The following LAMA4 variants were observed in gnomAD, a reference collection of about 807,000 sequenced individuals.
The protein encoded by LAMA4 is laminin subunit alpha 4.
LAMA4 carries 127 observed loss-of-function variants against 207.1 expected under a neutral mutation model. That is an observed-to-expected ratio of 0.61 (90% CI 0.53 to 0.71). LAMA4 has a LOEUF of 0.71. LAMA4 is among the 30% of genes least tolerant of loss of function. The probability of loss-of-function intolerance (pLI) is 0.00; values close to 1 mark genes in which losing one functional copy is unlikely to be tolerated. For synonymous variants in LAMA4, 761 were observed against 816.0 expected, an observed-to-expected ratio of 0.93 and a Z score of 1.15; for missense variants, 2,093 against 2,246.5, an observed-to-expected ratio of 0.93 and a Z score of 1.38.
At chr6:112,246,036 C>T (rs543174881) in intron 2 of LAMA4, among the ~76,000 whole-genome samples, 1 of 152,256 alleles carries the variant, frequency 6.6e-6, no homozygotes, top group African/African-American at 2.4e-5. Context: ...CTGCTGGCAG[C>T]TGAATTTCAT....
chr6:112,122,141 TCCG>T lies in LAMA4; in HGVS notation c.4345_4347del (p.Arg1449del). ...TGGCAATGAGAGTTTCTTGGAGTAT[TCCG>T]CTCTGGGAGTTTCAGAGCAACAGGA... On this transcript the variant is annotated inframe_deletion, in exon 32 of 39. Coordinates refer to ENST00000230538, the MANE Select transcript of LAMA4 (RefSeq NM_001105206.3). 1 of 1,613,950 alleles carries T rather than the reference TCCG, an allele frequency of 6.2e-7. No homozygotes were observed. Among genetic ancestry groups the T allele is most frequent in the Non-Finnish European group, 8.5e-7 (1 of 1,179,858 alleles).
rs150662822 is a variant in LAMA4, at chr6:112,254,066, C to T, written c.85G>A (p.Asp29Asn). 5.8e-5 allele frequency: 93 copies of T among 1,609,348 alleles called. No individual in the cohort carries two copies. The African/African-American group carries it at 9.9e-4, about 17-fold the overall frequency. The change falls in exon 2 of 39, where the codon GAC becomes AAC. Residue 29 changes from aspartate to asparagine, a missense_variant. Physicochemically the swap from Asp to Asn is conservative, Grantham distance 23. Transcript: ENST00000230538. ...AACSRAASGD[D>N]NAFPFDIEGS... Reference sequence around the variant, plus strand: ...TCAATGTCAAAAGGAAAAGCGTTGTCGTCCCCGGACGCGGCGCGGGAGCAG... The same window carrying T: ...TCAATGTCAAAAGGAAAAGCGTTGTTGTCCCCGGACGCGGCGCGGGAGCAG...
In LAMA4 at chr6:112,114,772, C is replaced by T. The variant is rs371620356; in HGVS notation, c.5113-16G>A. ...TCACTATGACCTGCAAAAGATAGGACACATTGTATGATTTAGTTTGTCCTC... is the reference window on the plus strand; with the variant it reads ...TCACTATGACCTGCAAAAGATAGGATACATTGTATGATTTAGTTTGTCCTC... On this transcript the variant is annotated splice_polypyrimidine_tract_variant and intron_variant, in intron 36 of 38. Transcript: ENST00000230538. 1.8e-5 allele frequency: 27 copies of T among 1,540,646 alleles called. No homozygotes were observed. Among genetic ancestry groups the T allele is most frequent in the Non-Finnish European group, 2.2e-5 (25 of 1,113,282 alleles).
Position 112,136,113 on chromosome 6 carries a change from T to A in LAMA4, c.3414+10A>T. The A allele has an allele frequency of 2.5e-6, 4 of 1,610,994 alleles. No individual in the cohort carries two copies. The highest frequency in any genetic ancestry group is 3.4e-6 in the Non-Finnish European group (4 of 1,179,012). On this transcript the variant is annotated intron_variant, in intron 25 of 38. Transcript: ENST00000230538. ...AAAAACAAAACCAACCAAACTACAA[T>A]GATTTGTACCTCATGGTATTTTGCA...
At chr6:112,237,864 A>G (rs187104831) in intron 2 of LAMA4, among the ~76,000 whole-genome samples, 1 of 152,346 alleles carries the variant, frequency 6.6e-6, no homozygotes, top group East Asian at 1.9e-4. Context: ...GACATGGGTT[A>G]TCCTGATTCC....
intron 32 of LAMA4, among the ~76,000 whole-genome samples, chr6:112,121,336 G>T (rs1554326110): frequency 6.6e-6 from 1 of 152,228 alleles, no homozygotes; most frequent in Non-Finnish European, 1.5e-5. Context: ...TTAACTTCTA[G>T]TTTGATTAAC....
chr6:112,160,632 C>T (rs1465297822), intron 13 of LAMA4, among the ~76,000 whole-genome samples: 1 of 152,156 alleles, frequency 6.6e-6, no homozygotes, highest in East Asian at 1.9e-4. Context: ...CTGTGGTTTG[C>T]TACAGTGTTG....
At chr6:112,175,988 C>A (rs9398298) in intron 10 of LAMA4, among the ~76,000 whole-genome samples, 76,141 of 152,040 alleles carry the variant, frequency 0.5, 19,357 homozygotes, top group Middle Eastern at 0.66. Context: ...GCTTTAAGCC[C>A]AAATGAGAGC....
At chr6:112,220,272 GC>G (rs1368699315) in intron 2 of LAMA4, among the ~76,000 whole-genome samples, 1 of 152,086 alleles carries the variant, frequency 6.6e-6, no homozygotes, top group Non-Finnish European at 1.5e-5. Context: ...ATCACAGCTT[GC>G]CTCCTGCTCT....
Position 112,134,531 on chromosome 6 carries a change from T to G in LAMA4, c.3493A>C (p.Lys1165Gln). The G allele has an allele frequency of 1.9e-6, 3 of 1,612,696 alleles. No individual in the cohort carries two copies. In the East Asian group the frequency reaches 6.7e-5, roughly 36 times the overall value. The part of the protein sequence containing the change: ...RRHVKSMDNE[K>Q]MKIPFTDIYI... ...ATATCTGTAAAAGGTATTTTCATCT[T>G]TTCATTATCCATGCTCTTGACATGC... Residue 1165 changes from lysine (K) to glutamine (Q), a missense_variant, in exon 26 of 39, where the codon AAG becomes CAG. By Grantham distance (53) the Lys-to-Gln change is moderately conservative (BLOSUM62 1). This residue lies in a region of LAMA4 where 1,704 missense variants were observed against 1,788.4 expected (regional missense o/e 0.95). Coordinates refer to ENST00000230538, the MANE Select transcript of LAMA4 (RefSeq NM_001105206.3).
At chr6:112,220,257 C>T (rs549646151) in intron 2 of LAMA4, among the ~76,000 whole-genome samples, 1 of 152,120 alleles carries the variant, frequency 6.6e-6, no homozygotes, top group African/African-American at 2.4e-5. Flanking sequence ...TAAGAGACTC[C>T]TATTATCACA....
chr6:112,195,827 A>T (rs909362483), intron 5 of LAMA4, among the ~76,000 whole-genome samples: 3 of 152,072 alleles, frequency 2.0e-5, no homozygotes, highest in Admixed American at 2.0e-4. Context: ...TTGAACGTTG[A>T]GGGTCTTGGG....
intron 2 of LAMA4, among the ~76,000 whole-genome samples, chr6:112,221,432 G>C (rs975335752): frequency 6.6e-6 from 1 of 152,130 alleles, no homozygotes; most frequent in Middle Eastern, 3.2e-3. Flanking sequence ...GCTCCAAATA[G>C]AAAGGATAAA....
chr6:112,211,232 AT>A (rs1164349216), intron 3 of LAMA4, among the ~76,000 whole-genome samples: 1 of 152,150 alleles, frequency 6.6e-6, no homozygotes, highest in Non-Finnish European at 1.5e-5. Context: ...AAAATACCTA[AT>A]ATTGGCAGCA....
At chr6:112,109,720 T>C in intron 38 of LAMA4, 138 bp from the exon 39 acceptor site, 1 of 897,046 alleles carries the variant, frequency 1.1e-6, no homozygotes, top group Non-Finnish European at 1.7e-6. Flanking sequence ...TAGTTATAAT[T>C]GACTCATTTC....
In LAMA4 at chr6:112,198,495, C is replaced by T. The variant is rs183930456; in HGVS notation, c.503+3113G>A. On this transcript the variant is annotated intron_variant, in intron 5 of 38. Coordinates refer to ENST00000230538, the MANE Select transcript of LAMA4 (RefSeq NM_001105206.3). ...GCTTGGCTGTTCAAGCAGAAACCCT[C>T]CTCTTAACCCCAGGGTCAAACAAAT... 1.4e-4 allele frequency among the ~76,000 whole-genome samples: 21 copies of T among 152,270 alleles called. No homozygotes were observed. In the East Asian group the frequency reaches 3.3e-3, roughly 24 times the overall value.
rs150791451 is a variant in LAMA4, at chr6:112,120,322, A to G, written c.4626T>C (p.Ile1542=). The change falls in exon 33 of 39, where the codon ATT becomes ATC. Residue 1542 remains isoleucine, a synonymous_variant. Transcript: ENST00000230538. ...CATCATTGTATTTCTCCTGGCTTCTAATCTTCAGTTTTTTGTGACCAACAT... is the reference window on the plus strand; with the variant it reads ...CATCATTGTATTTCTCCTGGCTTCTGATCTTCAGTTTTTTGTGACCAACAT... ...MFNVGHKKLK[I]RSQEKYNDGL... 5.6e-5 allele frequency: 90 copies of G among 1,614,022 alleles called. No individual in the cohort carries two copies. The African/African-American group carries it at 1.1e-3, about 19-fold the overall frequency.
chr6:112,134,355 C>T lies in LAMA4; in HGVS notation c.3557+112G>A. ...TGAATGTGTGTACCTGTGCCTGTCCCTGTGTGTAAAAGTAGCAAGTAAGGG... is the reference window on the plus strand; with the variant it reads ...TGAATGTGTGTACCTGTGCCTGTCCTTGTGTGTAAAAGTAGCAAGTAAGGG... On this transcript the variant is annotated intron_variant, in intron 26 of 38. Transcript: ENST00000230538. 6 of 1,038,062 alleles carry T rather than the reference C, an allele frequency of 5.8e-6. No homozygotes were observed. In the South Asian group the frequency reaches 7.8e-5, roughly 14 times the overall value. 64.3% of individuals were successfully genotyped at this position (1,038,062 alleles called of 1,614,324 possible).
chr6:112,139,216 G>GT lies in LAMA4; in HGVS notation c.3185dup (p.Asp1062GlufsTer15). 1 of 1,614,168 alleles carries GT rather than the reference G, an allele frequency of 6.2e-7. No homozygotes were observed. On this transcript the variant is annotated frameshift_variant, in exon 24 of 39. Coordinates refer to ENST00000230538, the MANE Select transcript of LAMA4 (RefSeq NM_001105206.3). LOFTEE classifies it high-confidence loss of function. ...GACCAAATTTCCCTCTCCTTGTGATGTCTCTCACCACGGCATAACCGGAGC... is the reference window on the plus strand; with the variant it reads ...GACCAAATTTCCCTCTCCTTGTGATGTTCTCTCACCACGGCATAACCGGAGC...
Sources: gnomAD v4.1 joint callset for allele counts (sites outside exome capture counted in the v4.1 genomes callset) on GRCh38, gnomAD v4.1.1 for gene constraint, gnomAD v4.1.1 regional missense constraint, MANE v1.5 for transcripts, NCBI Gene and HGNC (gene_info 2026-07-23, HGNC 2026-07-21) for gene names.